The following UNC80 variants were observed in gnomAD, a reference collection of about 807,000 sequenced individuals.
The protein encoded by UNC80 is unc-80 subunit of NALCN channel complex.
Under a neutral mutation model 384.6 loss-of-function variants are expected in UNC80, and 164 were observed. The observed-to-expected ratio is 0.43, with a 90% CI of 0.38 to 0.49. The LOEUF (loss-of-function observed/expected upper bound fraction) is 0.49, where lower values mean the gene tolerates loss of function less well. UNC80 is among the 20% of genes least tolerant of loss of function. The pLI, the probability that UNC80 is intolerant of heterozygous loss-of-function variation, is 0.00. For missense variants in UNC80, 3,330 were observed against 4,143.0 expected (o/e 0.80, Z 5.39); for synonymous variants, 1,486 against 1,527.8 (o/e 0.97, Z 0.64).
chr2:209,906,298 A>C (rs1574966693), intron 29 of UNC80, among the ~76,000 whole-genome samples: 2 of 152,310 alleles, frequency 1.3e-5, no homozygotes, highest in African/African-American at 4.8e-5. Context: ...TCATTGAAGA[A>C]ATTTTTAATA....
In UNC80 at chr2:209,771,959, C is replaced by A. The variant is rs1432818478; in HGVS notation, c.-114C>A. ...GGGGGATCAGGGCGGAGAGAGCCGG[C>A]TCTGCCTCGGGGAAGGAGGGGATGA... On this transcript the variant is annotated 5_prime_UTR_variant, in exon 1 of 65. Transcript: ENST00000673920. 2 of 752,970 alleles carry A rather than the reference C, an allele frequency of 2.7e-6. No individual in the cohort carries two copies. 46.6% of individuals were successfully genotyped at this position (752,970 alleles called of 1,614,324 possible). A position where few individuals can be genotyped will look rare whatever the true frequency, so the allele number is the denominator to read the frequency against.
Position 209,888,173 on chromosome 2 carries a change from G to T in UNC80, c.4189G>T (p.Val1397Phe), listed in dbSNP as rs1449118973. The T allele has an allele frequency of 7.1e-6, 11 of 1,551,536 alleles. No individual in the cohort carries two copies. The Admixed American group carries it at 7.8e-5, about 11-fold the overall frequency. Residue 1397 changes from valine to phenylalanine, a missense_variant, in exon 26 of 65, where the codon GTC (valine) becomes TTC (phenylalanine). By Grantham distance (50) the Val-to-Phe change is conservative. This residue lies in a region of UNC80 where 801 missense variants were observed against 950.8 expected (regional missense o/e 0.84). Transcript: ENST00000673920. Reference sequence around the variant, plus strand: ...TGAGAGGAAGATCAGCTTTGCTGGGGTCCTGGACGAAAATGAAGACTCAAA... The same window carrying T: ...TGAGAGGAAGATCAGCTTTGCTGGGTTCCTGGACGAAAATGAAGACTCAAA... ...RYERKISFAGVLDENEDSKDS... is the reference protein window; with the variant it reads ...RYERKISFAGFLDENEDSKDS...
intron 5 of UNC80, among the ~76,000 whole-genome samples, chr2:209,787,095 A>T (rs988848990): frequency 1.3e-5 from 2 of 151,518 alleles, no homozygotes; most frequent in African/African-American, 4.8e-5. Context: ...CAGACAATGG[A>T]CAATCTTTTT....
Position 209,834,139 on chromosome 2 carries a change from A to G in UNC80, c.2913A>G (p.Glu971=), listed in dbSNP as rs1160276751. The change falls in exon 17 of 65, where the codon GAA becomes GAG. Residue 971 remains glutamate (E), a synonymous_variant. Coordinates refer to ENST00000673920, the MANE Select transcript of UNC80 (RefSeq NM_001371986.1). The stretch of plus-strand genomic sequence containing the variant: ...CAGGGAAAAAGGTGGAGGAGAATGA[A>G]CAGGAATCTAAGCCTGCAGGCAGTA... ...LAPGKKVEEN[E]QESKPAGSKR... 1 of 1,551,648 alleles carries G rather than the reference A, an allele frequency of 6.4e-7. No individual in the cohort carries two copies. Among genetic ancestry groups the G allele is most frequent in the Non-Finnish European group, 8.7e-7 (1 of 1,146,930 alleles).
chr2:209,807,564 C>T (rs1221438222), intron 7 of UNC80, among the ~76,000 whole-genome samples: 4 of 151,922 alleles, frequency 2.6e-5, no homozygotes, highest in Admixed American at 1.3e-4. Flanking sequence ...GGGGTTTCAC[C>T]GTGTTAGCCA....
At chr2:209,824,737 C>G (rs541240559) in intron 13 of UNC80, among the ~76,000 whole-genome samples, 1 of 152,204 alleles carries the variant, frequency 6.6e-6, no homozygotes, top group South Asian at 2.1e-4. Flanking sequence ...GGGACCAACT[C>G]GATAACATTA....
Position 209,820,459 on chromosome 2 carries a change from A to G in UNC80, c.2111A>G (p.Asn704Ser), listed in dbSNP as rs1227361644. 2 of 1,551,712 alleles carry G rather than the reference A, an allele frequency of 1.3e-6. No homozygotes were observed. Among genetic ancestry groups the G allele is most frequent in the Non-Finnish European group, 1.7e-6 (2 of 1,147,002 alleles). ...KNRKKSENKE[N>S]ETLEKRPSEG... is the part of the protein sequence containing the mutation. Reference sequence around the variant, plus strand: ...AGAAAGAAGAGTGAAAACAAGGAAAATGAGACCTTGGAAAAGAGGCCAAGT... The same window carrying G: ...AGAAAGAAGAGTGAAAACAAGGAAAGTGAGACCTTGGAAAAGAGGCCAAGT... The change falls in exon 13 of 65, where the codon AAT (asparagine) becomes AGT (serine). Residue 704 changes from asparagine to serine, a missense_variant. Asn to Ser is a conservative substitution (Grantham distance 46, BLOSUM62 1). This residue lies in a region of UNC80 where 937 missense variants were observed against 1,026.8 expected (regional missense o/e 0.91). Coordinates refer to ENST00000673920, the MANE Select transcript of UNC80 (RefSeq NM_001371986.1).
At chr2:209,838,492 A>G (rs990279618) in intron 18 of UNC80, among the ~76,000 whole-genome samples, 1 of 151,826 alleles carries the variant, frequency 6.6e-6, no homozygotes, top group Non-Finnish European at 1.5e-5. Flanking sequence ...AGCCCTACCT[A>G]AGTTTCTTTG....
At chr2:209,854,454 T>C (rs1457095593) in intron 22 of UNC80, among the ~76,000 whole-genome samples, 1 of 152,048 alleles carries the variant, frequency 6.6e-6, no homozygotes, top group African/African-American at 2.4e-5. Context: ...GCAATGGACA[T>C]GAGAGTGCAG....
At chr2:209,902,936 TG>T (rs2087590164) in intron 28 of UNC80, among the ~76,000 whole-genome samples, 1 of 150,092 alleles carries the variant, frequency 6.7e-6, no homozygotes, top group Non-Finnish European at 1.5e-5. Context: ...TGTGTGTGTG[TG>T]TGTGTGTACA....
chr2:209,838,778 G>C (rs982218332), intron 18 of UNC80, among the ~76,000 whole-genome samples: 3 of 151,908 alleles, frequency 2.0e-5, no homozygotes, highest in Admixed American at 6.6e-5. Context: ...TGGCTAACAC[G>C]GTGAAACCCC....
In UNC80 at chr2:209,842,340, C is replaced by A. The variant is rs976022343; in HGVS notation, c.3358-10C>A. 16 of 1,513,424 alleles carry A rather than the reference C, an allele frequency of 1.1e-5. No individual in the cohort carries two copies. The highest frequency in any genetic ancestry group is 1.4e-5 in the African/African-American group (1 of 70,188). 93.7% of individuals were successfully genotyped at this position (1,513,424 alleles called of 1,614,324 possible). The stretch of plus-strand genomic sequence containing the variant: ...TATCTCTCTACTTTCCTTTTTTTTT[C>A]TTTTTTCAGGTCAAATTCACTAGTG... On this transcript the variant is annotated splice_polypyrimidine_tract_variant and intron_variant, in intron 20 of 64. Coordinates refer to ENST00000673920, the MANE Select transcript of UNC80 (RefSeq NM_001371986.1).
rs1239669175 is a variant in UNC80 at position 209,893,024 on chromosome 2, C to G, written c.4277-1139C>G. Among the ~76,000 whole-genome samples the G allele has an allele frequency of 5.9e-5, 9 of 152,320 alleles. No individual in the cohort carries two copies. In the Middle Eastern group the frequency reaches 0.014, roughly 230 times the overall value. On this transcript the variant is annotated intron_variant, in intron 26 of 64. Coordinates refer to ENST00000673920, the MANE Select transcript of UNC80 (RefSeq NM_001371986.1). ...AAATCAGAACTTTCACATTATTCAG[C>G]AGGAATTCTTCTGACCTCCTTTAAA...
At chr2:209,923,458 A>G (rs996583717) in intron 35 of UNC80, among the ~76,000 whole-genome samples, 3 of 152,162 alleles carry the variant, frequency 2.0e-5, no homozygotes, top group Non-Finnish European at 4.4e-5. Context: ...AGCACTATTC[A>G]TAGAAAAGAC....
intron 39 of UNC80, among the ~76,000 whole-genome samples, chr2:209,935,093 C>T (rs370840582): frequency 8.5e-5 from 13 of 152,290 alleles, no homozygotes; most frequent in African/African-American, 3.1e-4. Flanking sequence ...TTGCTAATAT[C>T]CCTGTTTATA....
Position 209,820,615 on chromosome 2 carries a change from A to T in UNC80, c.2267A>T (p.Asp756Val), listed in dbSNP as rs371038819. ...GGAGATGGAGGAGGTGGAGGAGGTGATGGAGGAGGAGGTGGAGGAGGTGGA... is the reference window on the plus strand; with the variant it reads ...GGAGATGGAGGAGGTGGAGGAGGTGTTGGAGGAGGAGGTGGAGGAGGTGGA... ...GGGDGGGGGG[D>V]GGGGGGGGGG... Residue 756 changes from aspartate to valine, a missense_variant, in exon 13 of 65, where the codon GAT (aspartate) becomes GTT (valine). Asp to Val is a radical substitution (Grantham distance 152). Coordinates refer to ENST00000673920, the MANE Select transcript of UNC80 (RefSeq NM_001371986.1). 3.5e-5 allele frequency: 54 copies of T among 1,546,648 alleles called. No individual in the cohort carries two copies. Among genetic ancestry groups the T allele is most frequent in the Non-Finnish European group, 4.1e-5 (47 of 1,144,584 alleles).
At chr2:209,871,423 A>G (rs1262036869) in intron 22 of UNC80, among the ~76,000 whole-genome samples, 2 of 152,202 alleles carry the variant, frequency 1.3e-5, no homozygotes, top group Non-Finnish European at 2.9e-5. Context: ...GATGTTATAT[A>G]TTATAATTCT....
chr2:209,835,341 C>T (rs1305925694), intron 18 of UNC80, among the ~76,000 whole-genome samples: 2 of 152,164 alleles, frequency 1.3e-5, no homozygotes, highest in Non-Finnish European at 2.9e-5. Context: ...TGCTTAAAAT[C>T]ACTTATAATT....
chr2:209,802,126 A>G (rs894763955), intron 7 of UNC80, among the ~76,000 whole-genome samples: 1 of 152,166 alleles, frequency 6.6e-6, no homozygotes, highest in Non-Finnish European at 1.5e-5. Flanking sequence ...GTAGAGTAGA[A>G]TGGTAGTTAT....
Sources: allele counts gnomAD v4.1 joint callset (sites outside exome capture counted in the v4.1 genomes callset), GRCh38; gene constraint gnomAD v4.1.1; regional missense constraint gnomAD v4.1.1; transcripts MANE v1.5; gene names NCBI Gene and HGNC (gene_info 2026-07-23, HGNC 2026-07-21).